The following SCN4A variants were observed in gnomAD, a reference collection of about 807,000 sequenced individuals.
SCN4A encodes sodium channel protein type 4 subunit alpha.
SCN4A carries 83 observed loss-of-function variants against 162.0 expected under a neutral mutation model. The ratio of observed to expected loss-of-function variants is 0.51; its 90% CI spans 0.43 to 0.61. The LOEUF (loss-of-function observed/expected upper bound fraction) is 0.61. Among genes scored for constraint, SCN4A ranks in the 20% least tolerant of loss-of-function variants. The probability of loss-of-function intolerance (pLI) is 0.00; values close to 1 mark genes in which losing one functional copy is unlikely to be tolerated. For missense variants in SCN4A, 2,196 were observed against 2,462.5 expected, an observed-to-expected ratio of 0.89 and a Z score of 2.29; for synonymous variants, 944 against 985.1, an observed-to-expected ratio of 0.96 and a Z score of 0.78.
chr17:63,943,170 G>T, intron 22 of SCN4A, 74 bp from the exon 23 acceptor site: 1 of 1,431,270 alleles, frequency 7.0e-7, no homozygotes, highest in Non-Finnish European at 9.7e-7. Flanking sequence ...CAGGCAGGAG[G>T]CACAGGATGG....
At chr17:63,954,868 C>T (rs1909023045) in intron 13 of SCN4A, among the ~76,000 whole-genome samples, 1 of 152,184 alleles carries the variant, frequency 6.6e-6, no homozygotes, top group African/African-American at 2.4e-5. Context: ...GAAGCAGGGC[C>T]TGTACTGGTT....
rs762279435 is a variant in SCN4A at position 63,957,304 on chromosome 17, T to G, written c.2234A>C (p.His745Pro). 1 of 1,614,164 alleles carries G rather than the reference T, an allele frequency of 6.2e-7. No individual in the cohort carries two copies. The highest frequency in any genetic ancestry group is 8.5e-7 in the Non-Finnish European group (1 of 1,179,992). The change falls in exon 13 of 24, where the codon CAT (histidine) becomes CCT (proline). Residue 745 changes from histidine (H) to proline (P), a missense_variant. Coordinates refer to ENST00000435607, the MANE Select transcript of SCN4A (RefSeq NM_000334.4). The part of the protein sequence containing the change: ...LDCNLPRWHM[H>P]DFFHSFLIVF... ...GATGAGGAAGGAGTGGAAGAAATCA[T>G]GCATGTGCCAGCGCGGCAGGTTGCA...
At chr17:63,948,341 C>T (rs111835712) in intron 16 of SCN4A, among the ~76,000 whole-genome samples, 127 of 152,272 alleles carry the variant, frequency 8.3e-4, no homozygotes, top group African/African-American at 2.6e-3. Context: ...TTCAGTCCTG[C>T]GCCCCCAGTT....
At chr17:63,960,394 G>A (rs544883929) in intron 11 of SCN4A, among the ~76,000 whole-genome samples, 1 of 152,338 alleles carries the variant, frequency 6.6e-6, no homozygotes, top group South Asian at 2.1e-4. Flanking sequence ...CGAAGGCTGG[G>A]GAGCCCAGGG....
chr17:63,944,759 C>A lies in SCN4A; in HGVS notation c.3826G>T (p.Val1276Phe), dbSNP rs1395739252. 2.5e-6 allele frequency: 4 copies of A among 1,613,762 alleles called. No individual in the cohort carries two copies. The South Asian group carries it at 4.4e-5, about 18-fold the overall frequency. The change falls in exon 21 of 24, where the codon GTC (valine) becomes TTC (phenylalanine). Residue 1276 changes from valine (V) to phenylalanine (F), a missense_variant. Physicochemically the swap from Val to Phe is conservative, Grantham distance 50 (BLOSUM62 -1). Transcript: ENST00000435607. This position sits in a 1 kb window ranked among gnomAD's most constrained non-coding sequence, Gnocchi z 4.3. ...AAGGAGCCAAAGATGATGAAGATGA[C>A]AAAGTAGAGGTACATGTAGAGGTTC... is the stretch of plus-strand genomic sequence containing the variant. ...EVNLYMYLYFVIFIIFGSFFT... is the reference protein window; with the variant it reads ...EVNLYMYLYFFIFIIFGSFFT...
In SCN4A at chr17:63,962,531, T is replaced by C. The variant is rs1268939804; in HGVS notation, c.1607-1100A>G. Among the ~76,000 whole-genome samples, 7 of 152,162 alleles carry C rather than the reference T, an allele frequency of 4.6e-5. No individual in the cohort carries two copies. In the South Asian group the frequency reaches 1.0e-3, roughly 23 times the overall value. On this transcript the variant is annotated intron_variant, in intron 10 of 23. Transcript: ENST00000435607. ...TCCTTGGCCCAGGCACGATCTCACT[T>C]ACTCATCACAGCAGGTAAATACAAT... is the stretch of plus-strand genomic sequence containing the variant.
At chr17:63,948,464 C>T (rs551127012) in intron 16 of SCN4A, 147 bp downstream of exon 16, 15 of 671,252 alleles carry the variant, frequency 2.2e-5, no homozygotes, top group South Asian at 1.9e-4. Flanking sequence ...TAACCTATCC[C>T]GGAGGCACAG....
Position 63,966,553 on chromosome 17 carries a change from G to C in SCN4A, c.1037-9C>G. The C allele has an allele frequency of 6.2e-7, 1 of 1,611,980 alleles. No individual in the cohort carries two copies. Among genetic ancestry groups the C allele is most frequent in the East Asian group, 2.2e-5 (1 of 44,884 alleles). Reference sequence around the variant, plus strand: ...CAGGAAGTAGAAGTTCCCTTTGGGAGTCAGAGGCCACAAAGGAGGCAAGTC... The same window carrying C: ...CAGGAAGTAGAAGTTCCCTTTGGGACTCAGAGGCCACAAAGGAGGCAAGTC... On this transcript the variant is annotated splice_polypyrimidine_tract_variant and intron_variant, in intron 6 of 23. Transcript: ENST00000435607.
chr17:63,969,287 G>C (rs1247451645), intron 5 of SCN4A, among the ~76,000 whole-genome samples: 1 of 152,188 alleles, frequency 6.6e-6, no homozygotes, highest in Non-Finnish European at 1.5e-5. Flanking sequence ...ACAGACAAAG[G>C]CATAAACGAT....
At position 63,965,695 on chromosome 17, in the gene SCN4A, G is replaced by T. The variant is rs374121791; in HGVS notation, c.1242+407C>A. Among the ~76,000 whole-genome samples the T allele has an allele frequency of 1.8e-4, 28 of 152,274 alleles. No individual in the cohort carries two copies. In the East Asian group the frequency reaches 5.4e-3, roughly 29 times the overall value. ...GTAGAGATGGGGTTTCACTATGTTGGCCAGGCTGGTCTCGAACTCCTGACC... is the reference window on the plus strand; with the variant it reads ...GTAGAGATGGGGTTTCACTATGTTGTCCAGGCTGGTCTCGAACTCCTGACC... On this transcript the variant is annotated intron_variant, in intron 8 of 23. Coordinates refer to ENST00000435607, the MANE Select transcript of SCN4A (RefSeq NM_000334.4).
At chr17:63,943,880 G>C (rs1908627706) in intron 21 of SCN4A, 30 bp from the exon 22 acceptor site, 2 of 1,455,748 alleles carry the variant, frequency 1.4e-6, no homozygotes, top group East Asian at 2.3e-5. Flanking sequence ...GTCAGGTTGA[G>C]GTGCAGTTCC....
Position 63,968,312 on chromosome 17 carries a change from C to A in SCN4A, c.747G>T (p.Lys249Asn). The change falls in exon 6 of 24, where the codon AAG becomes AAT. Residue 249 changes from lysine (K) to asparagine (N), a missense_variant. By Grantham distance (94) the Lys-to-Asn change is moderately conservative. Coordinates refer to ENST00000435607, the MANE Select transcript of SCN4A (RefSeq NM_000334.4). ...CAGTGAGGATCATCACATCCGACAGCTTTTTCACCGACTGGATCAGGGCCC... is the reference window on the plus strand; with the variant it reads ...CAGTGAGGATCATCACATCCGACAGATTTTTCACCGACTGGATCAGGGCCC... ...IVGALIQSVK[K>N]LSDVMILTVF... 1.2e-6 allele frequency: 2 copies of A among 1,609,820 alleles called. No individual in the cohort carries two copies. Among genetic ancestry groups the A allele is most frequent in the East Asian group, 2.2e-5 (1 of 44,782 alleles).
In SCN4A at chr17:63,948,771, G is replaced by A; in HGVS notation, c.2990-6C>T. 1 of 1,593,786 alleles carries A rather than the reference G, an allele frequency of 6.3e-7. No individual in the cohort carries two copies. The highest frequency in any genetic ancestry group is 8.6e-7 in the Non-Finnish European group (1 of 1,166,618). ...GGGCCAGCGCTGCACGCAGGCTGATGGGGTGAGGGGGGACAGGGACAGGCA... is the reference window on the plus strand; with the variant it reads ...GGGCCAGCGCTGCACGCAGGCTGATAGGGTGAGGGGGGACAGGGACAGGCA... On this transcript the variant is annotated splice_region_variant and splice_polypyrimidine_tract_variant and intron_variant, in intron 15 of 23. Coordinates refer to ENST00000435607, the MANE Select transcript of SCN4A (RefSeq NM_000334.4).
At chr17:63,971,994 A>T in intron 3 of SCN4A, 142 bp downstream of exon 3, 1 of 1,057,346 alleles carries the variant, frequency 9.5e-7, no homozygotes, top group Non-Finnish European at 1.4e-6. Flanking sequence ...TAGCATGGCC[A>T]CCCCAGGGAC....
intron 22 of SCN4A, 110 bp from the exon 23 acceptor site, chr17:63,943,206 AGAT>A: frequency 2.9e-5 from 8 of 279,732 alleles, no homozygotes; most frequent in East Asian, 2.8e-4. Context: ...GAGATGACAG[AGAT>A]GACAGAGAGA....
chr17:63,966,878 G>T (rs543817219), intron 6 of SCN4A, among the ~76,000 whole-genome samples: 1 of 152,338 alleles, frequency 6.6e-6, no homozygotes, highest in South Asian at 2.1e-4. Context: ...GGGTGAGTGG[G>T]GGCTGGAATC....
chr17:63,955,585 G>A (rs1467660199), intron 13 of SCN4A, among the ~76,000 whole-genome samples: 1 of 152,110 alleles, frequency 6.6e-6, no homozygotes, highest in Non-Finnish European at 1.5e-5. Context: ...GATTTAAAAC[G>A]TTTCTGAGTT....
At chr17:63,957,037 G>C (rs1909089188) in intron 13 of SCN4A, 125 bp downstream of exon 13, 1 of 657,930 alleles carries the variant, frequency 1.5e-6, no homozygotes, top group African/African-American at 1.8e-5. Flanking sequence ...GAACTACGGG[G>C]TTAAACCACA....
chr17:63,947,202 A>AG (rs777859074), intron 17 of SCN4A, 35 bp from the exon 18 acceptor site: 2 of 1,611,040 alleles, frequency 1.2e-6, no homozygotes, highest in African/African-American at 2.7e-5. Context: ...AGTGCGTGCA[A>AG]GGCCCCCAGC....
Sources: gnomAD v4.1 joint callset for allele counts (sites outside exome capture counted in the v4.1 genomes callset) on GRCh38, gnomAD v4.1.1 for gene constraint, Gnocchi (gnomAD v3.1) non-coding constraint, MANE v1.5 for transcripts, NCBI Gene and HGNC (gene_info 2026-07-23, HGNC 2026-07-21) for gene names.